VTI1A: variants seen among roughly 807,000 people sequenced by gnomAD.
VTI1A encodes the protein vesicle transport through interaction with t-SNAREs 1A, also known as vesicle transport through interaction with t-SNAREs homolog 1A.
VTI1A carries 22 observed loss-of-function variants against 34.9 expected under a neutral mutation model. The observed-to-expected ratio is 0.63, with a 90% CI of 0.45 to 0.90. The LOEUF (loss-of-function observed/expected upper bound fraction) is 0.90. Among genes scored for constraint, VTI1A ranks in the 40% least tolerant of loss-of-function variants. The pLI, the probability that VTI1A is intolerant of heterozygous loss-of-function variation, is 0.00. For synonymous variants in VTI1A, 87 were observed against 97.3 expected (o/e 0.89, Z 0.62); for missense variants, 268 against 275.6 (o/e 0.97, Z 0.20).
rs1846910655 is a variant in VTI1A at position 112,447,494 on chromosome 10, G to A, written c.94+27G>A. 1.9e-6 allele frequency: 3 copies of A among 1,610,274 alleles called. No homozygotes were observed. In the African/African-American group the frequency reaches 4.0e-5, roughly 21 times the overall value. ...TGAGAGCCTTGCCCGGCTGGACGAGGGTGCTGGGGAGAGCTGGGAGGGTGC... is the reference window on the plus strand; with the variant it reads ...TGAGAGCCTTGCCCGGCTGGACGAGAGTGCTGGGGAGAGCTGGGAGGGTGC... On this transcript the variant is annotated intron_variant, in intron 1 of 7. Transcript: ENST00000393077.
intron 7 of VTI1A, among the ~76,000 whole-genome samples, chr10:112,690,047 T>C (rs903178377): frequency 4.6e-5 from 7 of 152,230 alleles, no homozygotes; most frequent in Admixed American, 2.0e-4. Flanking sequence ...ACTTCTTTCA[T>C]TTGCATAGAG....
chr10:112,835,935 C>A, the VTI1A span, among the ~76,000 whole-genome samples: 1 of 152,176 alleles, frequency 6.6e-6, no homozygotes, highest in Non-Finnish European at 1.5e-5. Flanking sequence ...AAATTGCCCG[C>A]AAATGGACAT....
chr10:112,669,064 A>T, intron 7 of VTI1A, 66 bp downstream of exon 7: 1 of 1,569,980 alleles, frequency 6.4e-7, no homozygotes, highest in Admixed American at 1.7e-5. Context: ...GTTTTCATTC[A>T]ATTGCAATGG....
chr10:112,813,871 G>T (rs185952697), intron 7 of VTI1A, among the ~76,000 whole-genome samples: 6 of 152,308 alleles, frequency 3.9e-5, no homozygotes, highest in African/African-American at 1.4e-4. Context: ...CTCCTGCGAG[G>T]AGAGTGGACA....
At chr10:112,623,489 A>G (rs896591367) in intron 5 of VTI1A, among the ~76,000 whole-genome samples, 20 of 144,012 alleles carry the variant, frequency 1.4e-4, no homozygotes, top group Non-Finnish European at 2.9e-4. Flanking sequence ...CCTTTGGACC[A>G]CTTGATATCT....
chr10:112,468,356 CT>C (rs199644143), intron 3 of VTI1A, among the ~76,000 whole-genome samples: 5 of 151,874 alleles, frequency 3.3e-5, no homozygotes, highest in South Asian at 2.1e-4. Context: ...TAGATCTAAT[CT>C]TTTTTTTAAA....
intron 7 of VTI1A, among the ~76,000 whole-genome samples, chr10:112,711,196 A>G (rs1488652330): frequency 6.6e-6 from 1 of 152,234 alleles, no homozygotes; most frequent in Non-Finnish European, 1.5e-5. Flanking sequence ...CCTAATTATA[A>G]GGCATATCTA....
intron 7 of VTI1A, among the ~76,000 whole-genome samples, chr10:112,672,210 T>C (rs1847877880): frequency 6.6e-6 from 1 of 152,160 alleles, no homozygotes; most frequent in African/African-American, 2.4e-5. Flanking sequence ...TATGGAATCA[T>C]TACAAACAAA....
At chr10:112,650,601 T>G (rs952773906) in intron 5 of VTI1A, among the ~76,000 whole-genome samples, 34 of 152,246 alleles carry the variant, frequency 2.2e-4, no homozygotes, top group African/African-American at 7.5e-4. Flanking sequence ...GCTATACTTT[T>G]GTATGACTCG....
intron 7 of VTI1A, among the ~76,000 whole-genome samples, chr10:112,784,144 C>T (rs983032386): frequency 2.6e-5 from 4 of 152,148 alleles, no homozygotes; most frequent in Non-Finnish European, 4.4e-5. Flanking sequence ...TTGAACTTAA[C>T]GCATGTCTGC....
rs143617466 is a variant in VTI1A, at chr10:112,660,628, T to G, written c.428-7590T>G. On this transcript the variant is annotated intron_variant, in intron 5 of 7. Transcript: ENST00000393077. ...TCCAATACAGTGACCGCTAACCACA[T>G]GTAGGTACTGAGCACTTGAAATGTG... is the stretch of plus-strand genomic sequence containing the variant. Among the ~76,000 whole-genome samples the G allele has an allele frequency of 7.0e-4, 107 of 152,360 alleles. 4 individuals carry two copies. The South Asian group carries it at 0.021, about 30-fold the overall frequency.
intron 7 of VTI1A, among the ~76,000 whole-genome samples, chr10:112,721,638 A>T (rs1849810041): frequency 6.6e-6 from 1 of 152,160 alleles, no homozygotes; most frequent in South Asian, 2.1e-4. Context: ...GCTCCCATGT[A>T]GTCCTGTGTA....
intron 5 of VTI1A, among the ~76,000 whole-genome samples, chr10:112,625,672 C>T (rs1845898213): frequency 8.7e-6 from 1 of 114,928 alleles, no homozygotes; most frequent in African/African-American, 3.5e-5. Context: ...AACATCATAT[C>T]TTCTCACTCA....
intron 5 of VTI1A, among the ~76,000 whole-genome samples, chr10:112,564,553 A>G (rs1589910295): frequency 2.0e-5 from 3 of 152,202 alleles, no homozygotes; most frequent in Non-Finnish European, 4.4e-5. Context: ...GAGTTTTTGC[A>G]CTTCTTCCTT....
intron 7 of VTI1A, among the ~76,000 whole-genome samples, chr10:112,736,478 G>A (rs1453221495): frequency 6.6e-6 from 1 of 152,150 alleles, no homozygotes; most frequent in East Asian, 1.9e-4. Flanking sequence ...GGGTAGGTGG[G>A]TGGGTGGATG....
chr10:112,580,823 G>C (rs1185691628), intron 5 of VTI1A, among the ~76,000 whole-genome samples: 1 of 152,088 alleles, frequency 6.6e-6, no homozygotes, highest in African/African-American at 2.4e-5. Context: ...GTGGGAGTCT[G>C]GTTGACTAAA....
intron 5 of VTI1A, among the ~76,000 whole-genome samples, chr10:112,572,208 C>T (rs1348670332): frequency 6.6e-6 from 1 of 152,196 alleles, no homozygotes; most frequent in Non-Finnish European, 1.5e-5. Flanking sequence ...TGCCACTTTG[C>T]TAGCTGTGTG....
At chr10:112,460,721 A>C in intron 2 of VTI1A, 139 bp downstream of exon 2, 1 of 609,916 alleles carries the variant, frequency 1.6e-6, no homozygotes, top group Non-Finnish European at 2.5e-6. Flanking sequence ...GTCAATTTTT[A>C]AATTGAAGAG....
chr10:112,469,263 T>C (rs1223396786), intron 3 of VTI1A, among the ~76,000 whole-genome samples: 1 of 152,212 alleles, frequency 6.6e-6, no homozygotes, highest in Non-Finnish European at 1.5e-5. Flanking sequence ...TTTTTTTCAT[T>C]ATCACTTCTC....
Sources: allele counts gnomAD v4.1 joint callset (sites outside exome capture counted in the v4.1 genomes callset), GRCh38; gene constraint gnomAD v4.1.1; transcripts MANE v1.5; gene names NCBI Gene and HGNC (gene_info 2026-07-23, HGNC 2026-07-21).